Variants in NFILZ observed in about 807,000 individuals in gnomAD.
The protein encoded by NFILZ is NFIL3 like basic leucine zipper.
At chr19:8,639,404 C>A (rs545726193) in intron 3 of NFILZ, among the ~76,000 whole-genome samples, 43 of 152,088 alleles carry the variant, frequency 2.8e-4, no homozygotes, top group Non-Finnish European at 5.4e-4. Flanking sequence ...TAGCAAGACC[C>A]CTGCCTCTAC....
intron 3 of NFILZ, among the ~76,000 whole-genome samples, chr19:8,656,351 C>T (rs73006441): frequency 0.088 from 2,943 of 33,432 alleles, 465 homozygotes; most frequent in South Asian, 0.19. Flanking sequence ...AAGCCCACCT[C>T]TTCCCTGAAG....
rs1305749598 is a variant in NFILZ at position 8,647,789 on chromosome 19, G to GCACACA, written c.-164+12044_-164+12045insACACAC. On this transcript the variant is annotated intron_variant, in intron 3 of 5. Transcript: ENST00000691075. ...CACACACGCACACATGCGCGCGCGCGCGCGCGCACACACACACACACACAC... is the reference window on the plus strand; with the variant it reads ...CACACACGCACACATGCGCGCGCGCGCACACACGCGCGCACACACACACACACACAC... Among the ~76,000 whole-genome samples, 184 of 107,980 alleles carry GCACACA rather than the reference G, an allele frequency of 1.7e-3. 3 individuals are homozygous for GCACACA. The highest frequency in any genetic ancestry group is 6.3e-3 in the African/African-American group (161 of 25,550). 70.8% of individuals were successfully genotyped at this position (107,980 alleles called of 152,430 possible).
At chr19:8,660,939 CTCCT>C in intron 3 of NFILZ, among the ~76,000 whole-genome samples, 2 of 145,458 alleles carry the variant, frequency 1.4e-5, no homozygotes, top group Middle Eastern at 4.3e-3. Context: ...CATACCTGCC[CTCCT>C]TCCTTCCTCC....
chr19:8,650,015 T>C (rs2042958096), intron 3 of NFILZ, among the ~76,000 whole-genome samples: 1 of 151,164 alleles, frequency 6.6e-6, no homozygotes, highest in African/African-American at 2.4e-5. Context: ...CTTGGGAGGC[T>C]GAGGCAGGAG....
chr19:8,668,768 C>T (rs1412952988), intron 3 of NFILZ, among the ~76,000 whole-genome samples: 1 of 151,962 alleles, frequency 6.6e-6, no homozygotes, highest in Admixed American at 6.6e-5. Context: ...TAGCATTTTC[C>T]CACCATTTCT....
chr19:8,663,545 G>A (rs928541077), intron 3 of NFILZ, among the ~76,000 whole-genome samples: 2 of 150,962 alleles, frequency 1.3e-5, no homozygotes, highest in African/African-American at 4.9e-5. Flanking sequence ...GGAAGGTGGA[G>A]GGGGCGCTGG....
intron 3 of NFILZ, among the ~76,000 whole-genome samples, chr19:8,665,012 C>T (rs1303051892): frequency 6.6e-6 from 1 of 152,096 alleles, no homozygotes; most frequent in African/African-American, 2.4e-5. Flanking sequence ...GTGGTCCTTA[C>T]CTAGCTTTCT....
intron 3 of NFILZ, among the ~76,000 whole-genome samples, chr19:8,664,223 A>G (rs1555749522): frequency 6.6e-6 from 1 of 152,208 alleles, no homozygotes; most frequent in African/African-American, 2.4e-5. Context: ...TTACCTGTTC[A>G]GCCTTTGCTG....
chr19:8,633,939 CTT>C (rs2042883094), intron 2 of NFILZ, among the ~76,000 whole-genome samples: 3 of 144,130 alleles, frequency 2.1e-5, no homozygotes, highest in African/African-American at 5.2e-5. Context: ...TCCTTCCTTC[CTT>C]CCTTCCCTCC....
chr19:8,637,344 C>A (rs1248685563), intron 3 of NFILZ, among the ~76,000 whole-genome samples: 1 of 151,908 alleles, frequency 6.6e-6, no homozygotes, highest in African/African-American at 2.4e-5. Context: ...AAACCAAAAC[C>A]AAACCAAAAC....
chr19:8,652,629 A>C (rs1213416176), intron 3 of NFILZ, among the ~76,000 whole-genome samples: 3 of 152,230 alleles, frequency 2.0e-5, no homozygotes, highest in Admixed American at 2.0e-4. Flanking sequence ...CCATTGATTT[A>C]GTGACTTGCT....
chr19:8,650,114 G>GAA (rs1338991478), intron 3 of NFILZ, among the ~76,000 whole-genome samples: 4 of 139,566 alleles, frequency 2.9e-5, no homozygotes, highest in African/African-American at 1.0e-4. Context: ...GACTCCGTCT[G>GAA]AAAAAAAAAA....
intron 3 of NFILZ, among the ~76,000 whole-genome samples, chr19:8,665,740 G>T (rs2043059004): frequency 6.6e-6 from 1 of 152,188 alleles, no homozygotes; most frequent in South Asian, 2.1e-4. Context: ...AGGTTTTATT[G>T]TTTTTAAGAA....
chr19:8,644,430 T>C (rs1404816053), intron 3 of NFILZ, among the ~76,000 whole-genome samples: 1 of 152,032 alleles, frequency 6.6e-6, no homozygotes, highest in African/African-American at 2.4e-5. Flanking sequence ...GTATTTCAAC[T>C]CATTTCCAGC....
At chr19:8,644,838 C>T (rs1457943105) in intron 3 of NFILZ, among the ~76,000 whole-genome samples, 1 of 151,830 alleles carries the variant, frequency 6.6e-6, no homozygotes, top group Non-Finnish European at 1.5e-5. Flanking sequence ...ATGATCTCGG[C>T]TTACCACAAC....
At chr19:8,641,253 T>C (rs2042917926) in intron 3 of NFILZ, among the ~76,000 whole-genome samples, 2 of 152,034 alleles carry the variant, frequency 1.3e-5, no homozygotes, top group Non-Finnish European at 2.9e-5. Flanking sequence ...GGTCTCCTTA[T>C]GTTGCTCAGG....
intron 3 of NFILZ, among the ~76,000 whole-genome samples, chr19:8,674,041 C>T (rs1600156553): frequency 2.0e-5 from 3 of 152,126 alleles, no homozygotes; most frequent in Admixed American, 6.5e-5. Flanking sequence ...AGGGTTTCAC[C>T]GTGTTAGCCA....
chr19:8,674,661 C>G (rs534580335), intron 4 of NFILZ, among the ~76,000 whole-genome samples, 61 bp downstream of exon 4: 10 of 151,884 alleles, frequency 6.6e-5, no homozygotes, highest in Admixed American at 5.3e-4. Context: ...ATCTTTGGCA[C>G]TGGGGTTCCT....
At chr19:8,668,107 T>C (rs1486001763) in intron 3 of NFILZ, among the ~76,000 whole-genome samples, 1 of 151,932 alleles carries the variant, frequency 6.6e-6, no homozygotes, top group Non-Finnish European at 1.5e-5. Context: ...TGTGCCACCG[T>C]ACCCAGCTAA....
Sources: allele counts gnomAD v4.1 joint callset (sites outside exome capture counted in the v4.1 genomes callset), GRCh38; gene constraint gnomAD v4.1.1; transcripts MANE v1.5; gene names NCBI Gene and HGNC (gene_info 2026-07-23, HGNC 2026-07-21).